Variants in OTULINL observed in about 807,000 individuals in gnomAD.
OTULINL encodes the protein OTU deubiquitinase with linear linkage specificity like.
Under a neutral mutation model 43.9 loss-of-function variants are expected in OTULINL, and 42 were observed. The ratio of observed to expected loss-of-function variants is 0.96; its 90% CI spans 0.75 to 1.24. The LOEUF (loss-of-function observed/expected upper bound fraction) is 1.24. OTULINL is among the 50% of genes most tolerant of loss of function. OTULINL has a pLI of 0.00. For synonymous variants in OTULINL, 172 were observed against 153.6 expected (o/e 1.12, Z -0.88); for missense variants, 411 against 426.4 (o/e 0.96, Z 0.32).
In OTULINL at chr5:14,589,983, G is replaced by A. The variant is rs539376480; in HGVS notation, c.64+8025G>A. Among the ~76,000 whole-genome samples, 18 of 152,194 alleles carry A rather than the reference G, an allele frequency of 1.2e-4. No homozygotes were observed. In the South Asian group the frequency reaches 3.1e-3, roughly 26 times the overall value. ...TTTCAGAAAAGTTCCTTTTTAGATAGGCATAGCTTCCAGCCATAGAAAAAC... is the reference window on the plus strand; with the variant it reads ...TTTCAGAAAAGTTCCTTTTTAGATAAGCATAGCTTCCAGCCATAGAAAAAC... On this transcript the variant is annotated intron_variant, in intron 1 of 7. Transcript: ENST00000274217.
At position 14,581,891 on chromosome 5, in the gene OTULINL, C is replaced by T; in HGVS notation, c.-4C>T. The T allele has an allele frequency of 7.1e-7, 1 of 1,409,756 alleles. No individual in the cohort carries two copies. The highest frequency in any genetic ancestry group is 9.2e-7 in the Non-Finnish European group (1 of 1,081,790). 87.3% of individuals were successfully genotyped at this position (1,409,756 alleles called of 1,614,324 possible). On this transcript the variant is annotated 5_prime_UTR_variant, in exon 1 of 8. Transcript: ENST00000274217. ...GCCCAGCGCCCGTCCGCAGCGCGGC[C>T]GGCATGGCGGCGACAAGGAGCCCCA...
intron 6 of OTULINL, among the ~76,000 whole-genome samples, chr5:14,608,437 A>G (rs1759517295): frequency 6.6e-6 from 1 of 152,162 alleles, no homozygotes; most frequent in African/African-American, 2.4e-5. Flanking sequence ...TCTTCTTATA[A>G]GAGTAGCAGG....
intron 1 of OTULINL, among the ~76,000 whole-genome samples, chr5:14,591,291 A>G (rs1211771424): frequency 6.6e-6 from 1 of 152,232 alleles, no homozygotes; most frequent in Non-Finnish European, 1.5e-5. Flanking sequence ...ACTGAAAGGT[A>G]GATACAGATG....
At chr5:14,590,288 A>G (rs1385851037) in intron 1 of OTULINL, among the ~76,000 whole-genome samples, 1 of 152,184 alleles carries the variant, frequency 6.6e-6, no homozygotes, top group African/African-American at 2.4e-5. Flanking sequence ...GGAGCTTAAA[A>G]AAGATACCTG....
chr5:14,610,197 G>C lies in OTULINL; in HGVS notation c.954G>C (p.Leu318=). 2.5e-6 allele frequency: 4 copies of C among 1,614,070 alleles called. No individual in the cohort carries two copies. The highest frequency in any genetic ancestry group is 2.5e-6 in the Non-Finnish European group (3 of 1,179,938). The change falls in exon 8 of 8, where the codon CTG becomes CTC. Residue 318 remains leucine (L), a synonymous_variant. Transcript: ENST00000274217. Reference sequence around the variant, plus strand: ...AAGTAAAGATAAAAGTGTTCAGACTGTTCAAGTTTAACTCCAGAGACTTTG... The same window carrying C: ...AAGTAAAGATAAAAGTGTTCAGACTCTTCAAGTTTAACTCCAGAGACTTTG... ...SLEVKIKVFR[L]FKFNSRDFEV...
chr5:14,605,143 C>A (rs757600187), intron 5 of OTULINL, among the ~76,000 whole-genome samples: 1 of 152,220 alleles, frequency 6.6e-6, no homozygotes, highest in Non-Finnish European at 1.5e-5. Flanking sequence ...TCCTCTGAAA[C>A]CTGGGTGGAG....
chr5:14,582,730 G>A (rs1440076391), intron 1 of OTULINL, among the ~76,000 whole-genome samples: 1 of 144,694 alleles, frequency 6.9e-6, no homozygotes, highest in African/African-American at 2.6e-5. Context: ...CCGGAGAATT[G>A]CTTGAACCCG....
Position 14,607,347 on chromosome 5 carries a change from G to C in OTULINL, c.516G>C (p.Leu172=), listed in dbSNP as rs1274071093. 6.2e-6 allele frequency: 10 copies of C among 1,612,850 alleles called. No individual in the cohort carries two copies. The highest frequency in any genetic ancestry group is 7.6e-6 in the Non-Finnish European group (9 of 1,179,762). ...KDIVKLPEKL[L]FSQGCNWIQQ... Reference sequence around the variant, plus strand: ...TTTTCAAGCTTCCTGAAAAACTGCTGTTTTCACAAGGTTGTAATTGGATTC... The same window carrying C: ...TTTTCAAGCTTCCTGAAAAACTGCTCTTTTCACAAGGTTGTAATTGGATTC... The change falls in exon 6 of 8, where the codon CTG becomes CTC. Residue 172 remains leucine (L), a synonymous_variant. Coordinates refer to ENST00000274217, the MANE Select transcript of OTULINL (RefSeq NM_019018.3).
rs377391085 is a variant in OTULINL, at chr5:14,610,137, A to G, written c.898-4A>G. On this transcript the variant is annotated splice_polypyrimidine_tract_variant and splice_region_variant and intron_variant, in intron 7 of 7. Transcript: ENST00000274217. ...CTGTGACCTGTCTTTCATCTCATCCACAGATTGATATGTTTATACTTGGAT... is the reference window on the plus strand; with the variant it reads ...CTGTGACCTGTCTTTCATCTCATCCGCAGATTGATATGTTTATACTTGGAT... 17 of 1,610,394 alleles carry G rather than the reference A, an allele frequency of 1.1e-5. No homozygotes were observed. The highest frequency in any genetic ancestry group is 1.4e-5 in the Non-Finnish European group (17 of 1,177,066).
chr5:14,608,810 T>C lies in OTULINL; in HGVS notation c.690T>C (p.Phe230=), dbSNP rs150604883. 6.2e-7 allele frequency: 1 copy of C among 1,613,672 alleles called. No individual in the cohort carries two copies. Among genetic ancestry groups the C allele is most frequent in the African/African-American group, 1.3e-5 (1 of 74,954 alleles). Residue 230 remains phenylalanine, a synonymous_variant, in exon 7 of 8, where the codon TTT becomes TTC. Transcript: ENST00000274217. ...GAGGAAGTATGTGCAACACCCTTTT[T>C]TCAGATGCCATTCTGGAATATAAAC... ...HKRGSMCNTL[F]SDAILEYKLY...
In OTULINL at chr5:14,612,738, A is replaced by G. The variant is rs918987992; in HGVS notation, c.*2424A>G. ...CATTTAAATGTCTTTCTAACCGTAT[A>G]TGTTTTAAATGGTGAGAGAACTATA... is the stretch of plus-strand genomic sequence containing the variant. On this transcript the variant is annotated 3_prime_UTR_variant, in exon 8 of 8. Coordinates refer to ENST00000274217, the MANE Select transcript of OTULINL (RefSeq NM_019018.3). The G allele has an allele frequency of 6.6e-6, 1 of 152,162 alleles. No individual in the cohort carries two copies. The highest frequency in any genetic ancestry group is 1.5e-5 in the Non-Finnish European group (1 of 68,022). The allele number at this position is 152,162 out of a possible 1,614,324, so 9.4% of individuals were successfully genotyped here. A position where few individuals can be genotyped will look rare whatever the true frequency, so the allele number is the denominator to read the frequency against.
At chr5:14,583,746 G>A (rs1160326205) in intron 1 of OTULINL, among the ~76,000 whole-genome samples, 2 of 152,100 alleles carry the variant, frequency 1.3e-5, no homozygotes, top group Non-Finnish European at 2.9e-5. Context: ...TCCCTTCTTT[G>A]CCAGTGGTGT....
At chr5:14,596,450 A>G (rs1254918193) in intron 1 of OTULINL, among the ~76,000 whole-genome samples, 1 of 152,206 alleles carries the variant, frequency 6.6e-6, no homozygotes, top group Non-Finnish European at 1.5e-5. Context: ...CAGAACTGTC[A>G]TTATGACACT....
rs1188817413 is a variant in OTULINL at position 14,581,922 on chromosome 5, G to A, written c.28G>A (p.Ala10Thr). MAATRSPTRARERERSGAPA... is the reference protein window; with the variant it reads MAATRSPTRTRERERSGAPA... ...GGCGGCGACAAGGAGCCCCACGCGG[G>A]CAAGGGAGCGGGAGCGGTCTGGCGC... The change falls in exon 1 of 8, where the codon GCA becomes ACA. Residue 10 changes from alanine (A) to threonine (T), a missense_variant. Coordinates refer to ENST00000274217, the MANE Select transcript of OTULINL (RefSeq NM_019018.3). The A allele has an allele frequency of 1.4e-6, 2 of 1,408,860 alleles. No individual in the cohort carries two copies. The highest frequency in any genetic ancestry group is 2.8e-5 in the Admixed American group (1 of 35,876). The allele number at this position is 1,408,860 out of a possible 1,614,324, so 87.3% of individuals were successfully genotyped here. A position where few individuals can be genotyped will look rare whatever the true frequency, so the allele number is the denominator to read the frequency against.
rs116781677 is a variant in OTULINL, at chr5:14,588,698, T to G, written c.64+6740T>G. ...GGGCCCCAGGCTCCTTCCACTTTGT[T>G]TCTCCACTATGCCTGGCTTCAATGC... is the stretch of plus-strand genomic sequence containing the variant. On this transcript the variant is annotated intron_variant, in intron 1 of 7. Coordinates refer to ENST00000274217, the MANE Select transcript of OTULINL (RefSeq NM_019018.3). Among the ~76,000 whole-genome samples the G allele has an allele frequency of 3.2e-3, 487 of 152,312 alleles. 5 individuals are homozygous for G. The highest frequency in any genetic ancestry group is 9.3e-3 in the African/African-American group (386 of 41,566).
chr5:14,610,536 T>C lies in OTULINL; in HGVS notation c.*222T>C, dbSNP rs1191677044. On this transcript the variant is annotated 3_prime_UTR_variant, in exon 8 of 8. Transcript: ENST00000274217. ...ACTGATACATTTGGGAGTTGGTGGC[T>C]TGACTTTGTCCATAAGGGGCGTGGC... The C allele has an allele frequency of 8.5e-6, 4 of 471,964 alleles. No individual in the cohort carries two copies. The highest frequency in any genetic ancestry group is 1.5e-5 in the Non-Finnish European group (4 of 266,184). 29.2% of individuals were successfully genotyped at this position (471,964 alleles called of 1,614,324 possible). A position where few individuals can be genotyped will look rare whatever the true frequency, so the allele number is the denominator to read the frequency against.
chr5:14,581,869 C>T lies in OTULINL; in HGVS notation c.-26C>T. The stretch of plus-strand genomic sequence containing the variant: ...CCACTGCAGACCACGGGCCGAGGCC[C>T]AGCGCCCGTCCGCAGCGCGGCCGGC... On this transcript the variant is annotated 5_prime_UTR_variant, in exon 1 of 8. Transcript: ENST00000274217. 1 of 1,401,630 alleles carries T rather than the reference C, an allele frequency of 7.1e-7. No homozygotes were observed. Among genetic ancestry groups the T allele is most frequent in the South Asian group, 1.5e-5 (1 of 68,938 alleles). The allele number at this position is 1,401,630 out of a possible 1,614,324, so 86.8% of individuals were successfully genotyped here. A position where few individuals can be genotyped will look rare whatever the true frequency, so the allele number is the denominator to read the frequency against.
chr5:14,582,594 GACCAGCCTA>G (rs1276053448), intron 1 of OTULINL, among the ~76,000 whole-genome samples: 1 of 152,118 alleles, frequency 6.6e-6, no homozygotes, highest in Admixed American at 6.5e-5. Context: ...AGGAGTTCGA[GACCAGCCTA>G]GCCAGCATAG....
intron 5 of OTULINL, 92 bp from the exon 6 acceptor site, chr5:14,607,238 A>G: frequency 7.2e-7 from 1 of 1,382,994 alleles, no homozygotes; most frequent in Non-Finnish European, 9.8e-7. Context: ...TCGAAAAAAA[A>G]AAAGATAAGG....
Sources: allele counts gnomAD v4.1 joint callset (sites outside exome capture counted in the v4.1 genomes callset), GRCh38; gene constraint gnomAD v4.1.1; transcripts MANE v1.5; gene names NCBI Gene and HGNC (gene_info 2026-07-23, HGNC 2026-07-21).